Variants in VEPH1 observed in about 807,000 individuals in gnomAD.
VEPH1 encodes the protein ventricular zone-expressed PH domain-containing protein homolog 1.
VEPH1 carries 80 observed loss-of-function variants against 85.2 expected under a neutral mutation model. The ratio of observed to expected loss-of-function variants is 0.94; its 90% CI spans 0.78 to 1.13. VEPH1 has a LOEUF of 1.13. Among genes scored for constraint, VEPH1 ranks in the 50% most tolerant of loss-of-function variants. VEPH1 has a pLI of 0.00. For synonymous variants in VEPH1, 297 were observed against 348.0 expected (o/e 0.85, Z 1.63); for missense variants, 955 against 980.5 (o/e 0.97, Z 0.35).
intron 11 of VEPH1, among the ~76,000 whole-genome samples, chr3:157,294,786 G>A (rs1308048467): frequency 1.3e-5 from 2 of 152,042 alleles, no homozygotes; most frequent in African/African-American, 2.4e-5. Flanking sequence ...TTGGGACCTG[G>A]GCTAAAAAAA....
chr3:157,451,864 A>C (rs1734996620), intron 4 of VEPH1, among the ~76,000 whole-genome samples: 1 of 152,166 alleles, frequency 6.6e-6, no homozygotes, highest in African/African-American at 2.4e-5. Context: ...CACTGAGATA[A>C]AAAAACATCT....
At chr3:157,397,534 G>A (rs991998200) in intron 6 of VEPH1, among the ~76,000 whole-genome samples, 2 of 152,110 alleles carry the variant, frequency 1.3e-5, no homozygotes, top group Non-Finnish European at 2.9e-5. Flanking sequence ...TCACGATATT[G>A]ATTCTTCCTA....
chr3:157,334,308 A>G (rs1722767191), intron 9 of VEPH1, among the ~76,000 whole-genome samples: 1 of 152,222 alleles, frequency 6.6e-6, no homozygotes, highest in African/African-American at 2.4e-5. Context: ...GGGATATACC[A>G]TGAATTTGAA....
At chr3:157,277,135 C>G (rs1715504276) in intron 12 of VEPH1, among the ~76,000 whole-genome samples, 1 of 152,162 alleles carries the variant, frequency 6.6e-6, no homozygotes, top group African/African-American at 2.4e-5. Flanking sequence ...AAGTGATCCA[C>G]CCACCTGGGC....
chr3:157,346,171 TA>T (rs1724201319), intron 9 of VEPH1, among the ~76,000 whole-genome samples: 1 of 151,818 alleles, frequency 6.6e-6, no homozygotes, highest in East Asian at 1.9e-4. Flanking sequence ...AGAACTTAAT[TA>T]AAAAAAAGTC....
At chr3:157,457,823 TTC>T (rs1340676321) in intron 4 of VEPH1, among the ~76,000 whole-genome samples, 1 of 152,332 alleles carries the variant, frequency 6.6e-6, no homozygotes, top group Admixed American at 6.5e-5. Context: ...CCTTGAAGTT[TTC>T]TTTTTATGTT....
chr3:157,426,771 C>G lies in VEPH1; in HGVS notation c.696+1551G>C, dbSNP rs115992752. 5.3e-3 allele frequency among the ~76,000 whole-genome samples: 806 copies of G among 150,728 alleles called. 6 individuals carry two copies. The highest frequency in any genetic ancestry group is 0.018 in the African/African-American group (750 of 41,052). Reference sequence around the variant, plus strand: ...GACGACATTAAACTTTCTTTAACAACATTCTACAATAGCCACAGATTCGCA... The same window carrying G: ...GACGACATTAAACTTTCTTTAACAAGATTCTACAATAGCCACAGATTCGCA... On this transcript the variant is annotated intron_variant, in intron 5 of 13. Coordinates refer to ENST00000362010, the MANE Select transcript of VEPH1 (RefSeq NM_001167912.2).
intron 4 of VEPH1, among the ~76,000 whole-genome samples, chr3:157,432,618 T>C (rs1182922789): frequency 1.3e-5 from 2 of 152,218 alleles, no homozygotes; most frequent in East Asian, 3.8e-4. Context: ...TTTGGGTCTG[T>C]TTCTGGGCAT....
chr3:157,416,100 C>T (rs1731890261), intron 5 of VEPH1, among the ~76,000 whole-genome samples: 1 of 152,126 alleles, frequency 6.6e-6, no homozygotes, highest in African/African-American at 2.4e-5. Flanking sequence ...ATGCCTTATA[C>T]AGAGCTTATC....
intron 6 of VEPH1, among the ~76,000 whole-genome samples, chr3:157,393,275 C>T (rs1021037953): frequency 2.6e-5 from 4 of 152,118 alleles, no homozygotes; most frequent in African/African-American, 9.7e-5. Context: ...TTCCAGGCTT[C>T]TTGTTATAGG....
intron 9 of VEPH1, among the ~76,000 whole-genome samples, chr3:157,345,775 C>T (rs1042685497): frequency 6.6e-6 from 1 of 152,138 alleles, no homozygotes; most frequent in Non-Finnish European, 1.5e-5. Context: ...GACTTGGAAC[C>T]AACCCAAATG....
chr3:157,449,946 C>T (rs1734828569), intron 4 of VEPH1, among the ~76,000 whole-genome samples: 1 of 150,050 alleles, frequency 6.7e-6, no homozygotes, highest in Non-Finnish European at 1.5e-5. Flanking sequence ...TTTATTATGA[C>T]TAGTATGTAA....
chr3:157,285,091 T>C (rs1195575766), intron 12 of VEPH1: 1 of 152,226 alleles, frequency 6.6e-6, no homozygotes, highest in African/African-American at 2.4e-5. Context: ...CTAAGATAAG[T>C]ACCTTATTTT....
At chr3:157,460,579 C>T (rs566751952) in intron 3 of VEPH1, among the ~76,000 whole-genome samples, 81 of 152,148 alleles carry the variant, frequency 5.3e-4, no homozygotes, top group African/African-American at 1.8e-3. Context: ...TGATGACAGC[C>T]GAGATGGGCA....
chr3:157,427,278 C>T (rs1170428618), intron 5 of VEPH1, among the ~76,000 whole-genome samples: 1 of 152,064 alleles, frequency 6.6e-6, no homozygotes, highest in African/African-American at 2.4e-5. Context: ...GCCACCACAC[C>T]CAGCCTAATT....
intron 2 of VEPH1, among the ~76,000 whole-genome samples, chr3:157,472,527 T>A (rs1263824191): frequency 6.6e-6 from 1 of 152,212 alleles, no homozygotes; most frequent in Admixed American, 6.5e-5. Context: ...TTTTTTTAAC[T>A]TTTATTTTAA....
intron 9 of VEPH1, among the ~76,000 whole-genome samples, chr3:157,359,015 A>G (rs1332602516): frequency 6.6e-6 from 1 of 152,120 alleles, no homozygotes; most frequent in East Asian, 1.9e-4. Context: ...AGAAAAAAAC[A>G]AAAAAGAAAA....
intron 6 of VEPH1, among the ~76,000 whole-genome samples, chr3:157,395,926 T>A (rs1479901998): frequency 6.6e-6 from 1 of 152,182 alleles, no homozygotes; most frequent in Admixed American, 6.5e-5. Context: ...ACCAATTTTC[T>A]TTTAAATTTA....
chr3:157,470,403 A>C lies in VEPH1; in HGVS notation c.265T>G (p.Cys89Gly). The C allele has an allele frequency of 6.2e-7, 1 of 1,614,194 alleles. No homozygotes were observed. The highest frequency in any genetic ancestry group is 8.5e-7 in the Non-Finnish European group (1 of 1,180,048). Residue 89 changes from cysteine (C) to glycine (G), a missense_variant, in exon 3 of 14, where the codon TGC becomes GGC. Transcript: ENST00000362010. Reference sequence around the variant, plus strand: ...AAGGGTCTCAGGTTATGTTCCAAGCAGGAGTCCCAGAGCCCCACAAGGGCC... The same window carrying C: ...AAGGGTCTCAGGTTATGTTCCAAGCCGGAGTCCCAGAGCCCCACAAGGGCC... Reference protein sequence around the residue: ...AKALVGLWDSCLEHNLRPFGK... With the variant: ...AKALVGLWDSGLEHNLRPFGK...
Sources: gnomAD v4.1 joint callset for allele counts (sites outside exome capture counted in the v4.1 genomes callset) on GRCh38, gnomAD v4.1.1 for gene constraint, MANE v1.5 for transcripts, NCBI Gene and HGNC (gene_info 2026-07-23, HGNC 2026-07-21) for gene names.